The following SNTG1 variants were observed in gnomAD, a reference collection of about 807,000 sequenced individuals.
The protein encoded by SNTG1 is gamma-1-syntrophin.
Under a neutral mutation model 74.7 loss-of-function variants are expected in SNTG1, and 39 were observed. That is an observed-to-expected ratio of 0.52 (90% CI 0.40 to 0.68). SNTG1 has a LOEUF of 0.68. SNTG1 is among the 30% of genes least tolerant of loss of function. The probability of loss-of-function intolerance (pLI) is 0.00; values close to 1 mark genes in which losing one functional copy is unlikely to be tolerated. For synonymous variants in SNTG1, 254 were observed against 217.1 expected, an observed-to-expected ratio of 1.17 and a Z score of -1.49; for missense variants, 685 against 609.5, an observed-to-expected ratio of 1.12 and a Z score of -1.30.
At chr8:50,620,292 C>T (rs947831606) in intron 13 of SNTG1, among the ~76,000 whole-genome samples, 9 of 152,134 alleles carry the variant, frequency 5.9e-5, no homozygotes, top group Non-Finnish European at 1.0e-4. Flanking sequence ...TTAATCTCTG[C>T]TCATTTTTCT....
At chr8:50,653,924 CAT>C (rs1211333201) in intron 13 of SNTG1, among the ~76,000 whole-genome samples, 1 of 152,134 alleles carries the variant, frequency 6.6e-6, no homozygotes, top group East Asian at 1.9e-4. Flanking sequence ...AATGTGGAAA[CAT>C]ATATTATAAA....
intron 16 of SNTG1, among the ~76,000 whole-genome samples, chr8:50,707,644 A>G (rs1021638134): frequency 9.2e-5 from 14 of 152,174 alleles, no homozygotes; most frequent in African/African-American, 2.9e-4. Flanking sequence ...AACAAATACA[A>G]TGCAAGGATA....
rs1393114437 is a variant in SNTG1, at chr8:50,381,554, G to A, written c.-27-12658G>A. ...GTTCTCTAGAGGGACAGAACTAATA[G>A]GATATGTGTGTGTGTGTGTGTGTGT... On this transcript the variant is annotated intron_variant, in intron 2 of 18. Transcript: ENST00000642720. 1.7e-4 allele frequency among the ~76,000 whole-genome samples: 21 copies of A among 124,358 alleles called. No individual in the cohort carries two copies. In the Admixed American group the frequency reaches 1.8e-3, roughly 10 times the overall value. The allele number at this position is 124,358 out of a possible 152,430, so 81.6% of individuals were successfully genotyped here.
intron 1 of SNTG1, among the ~76,000 whole-genome samples, chr8:49,996,086 T>G (rs1814184553): frequency 6.6e-6 from 1 of 152,178 alleles, no homozygotes; most frequent in Non-Finnish European, 1.5e-5. Flanking sequence ...ATATTTACTT[T>G]TATTATTAAA....
chr8:50,440,906 GA>G (rs975024053), intron 5 of SNTG1, among the ~76,000 whole-genome samples: 6 of 152,134 alleles, frequency 3.9e-5, no homozygotes, highest in East Asian at 1.9e-4. Context: ...CTTTAAAAAA[GA>G]AAAAAACTTG....
At chr8:49,969,387 C>CTTTTTTTTT (rs575026898) in intron 1 of SNTG1, among the ~76,000 whole-genome samples, 1 of 47,152 alleles carries the variant, frequency 2.1e-5, no homozygotes, top group African/African-American at 5.5e-5. Flanking sequence ...TTCATTTAAT[C>CTTTTTTTTT]TTTTTTTTTT....
rs765351175 is a variant in SNTG1, at chr8:50,530,203, A to G, written c.493A>G (p.Thr165Ala). ...ACAPSDQSSG[T>A]SSPLCDSGLH... ...TGCTCCAAGTGACCAGAGCAGTGGC[A>G]CCTCCTCTCCTCTCTGTGACAGTGG... Residue 165 changes from threonine (T) to alanine (A), a missense_variant, in exon 10 of 19, where the codon ACC becomes GCC. By Grantham distance (58) the Thr-to-Ala change is moderately conservative. Transcript: ENST00000642720. The G allele has an allele frequency of 1.4e-5, 23 of 1,613,600 alleles. No homozygotes were observed. In the Middle Eastern group the frequency reaches 6.6e-4, roughly 46 times the overall value.
At chr8:50,471,247 T>TG (rs1044853794) in intron 8 of SNTG1, among the ~76,000 whole-genome samples, 1 of 151,526 alleles carries the variant, frequency 6.6e-6, no homozygotes, top group African/African-American at 2.4e-5. Context: ...TCATATAATT[T>TG]TTTTTTTTTT....
At chr8:50,042,830 C>G in intron 1 of SNTG1, among the ~76,000 whole-genome samples, 1 of 151,594 alleles carries the variant, frequency 6.6e-6, no homozygotes, top group Non-Finnish European at 1.5e-5. Flanking sequence ...TTATTGGATT[C>G]TAGTGATCCT....
intron 2 of SNTG1, among the ~76,000 whole-genome samples, chr8:50,309,866 G>C (rs2130741092): frequency 6.6e-6 from 1 of 152,270 alleles, no homozygotes; most frequent in African/African-American, 2.4e-5. Flanking sequence ...TTAATTCGCT[G>C]TCCGCAAACT....
chr8:50,501,558 C>T (rs1462295676), intron 8 of SNTG1, among the ~76,000 whole-genome samples: 1 of 149,750 alleles, frequency 6.7e-6, no homozygotes, highest in East Asian at 2.0e-4. Context: ...GCCTTAGCCT[C>T]CCGAGTAGCT....
chr8:50,404,546 C>T (rs1159218485), intron 4 of SNTG1, among the ~76,000 whole-genome samples: 1 of 151,882 alleles, frequency 6.6e-6, no homozygotes, highest in Non-Finnish European at 1.5e-5. Flanking sequence ...CAATGTAATG[C>T]TGTAATAAAT....
intron 2 of SNTG1, among the ~76,000 whole-genome samples, chr8:50,245,701 A>C (rs2129769619): frequency 6.6e-6 from 1 of 152,188 alleles, no homozygotes; most frequent in Middle Eastern, 3.4e-3. Context: ...AAACAGACAA[A>C]AGAAAACAAA....
chr8:50,067,365 T>G (rs1820982452), intron 1 of SNTG1, among the ~76,000 whole-genome samples: 1 of 152,226 alleles, frequency 6.6e-6, no homozygotes, highest in East Asian at 1.9e-4. Context: ...CTAATTTAAC[T>G]TTAGATTTAC....
chr8:50,351,811 A>C (rs566359229), intron 2 of SNTG1, among the ~76,000 whole-genome samples: 175 of 152,320 alleles, frequency 1.1e-3, no homozygotes, highest in African/African-American at 3.9e-3. Context: ...GATTCTTAAA[A>C]AGTTGTGGCT....
intron 1 of SNTG1, among the ~76,000 whole-genome samples, chr8:50,101,710 C>T (rs1354215672): frequency 1.3e-5 from 2 of 151,466 alleles, no homozygotes; most frequent in African/African-American, 2.4e-5. Context: ...CCTCCCCCCT[C>T]CTCCCACCCC....
At chr8:50,224,768 A>C (rs1417133834) in intron 2 of SNTG1, among the ~76,000 whole-genome samples, 8 of 152,118 alleles carry the variant, frequency 5.3e-5, no homozygotes, top group African/African-American at 1.9e-4. Flanking sequence ...AGAGACCTTA[A>C]GACTAACAAA....
chr8:50,671,577 C>A (rs1159357095), intron 15 of SNTG1, among the ~76,000 whole-genome samples: 2 of 152,030 alleles, frequency 1.3e-5, no homozygotes, highest in Non-Finnish European at 2.9e-5. Context: ...GAAATAGGAA[C>A]ACTTTTACAC....
At chr8:50,394,844 AAC>A (rs1563328504) in intron 3 of SNTG1, among the ~76,000 whole-genome samples, 10 of 76,574 alleles carry the variant, frequency 1.3e-4, no homozygotes, top group Non-Finnish European at 1.5e-4. Context: ...AAGAAAAACT[AAC>A]TTTTTTTTTT....
Sources: gnomAD v4.1 joint callset for allele counts (sites outside exome capture counted in the v4.1 genomes callset) on GRCh38, gnomAD v4.1.1 for gene constraint, MANE v1.5 for transcripts, NCBI Gene and HGNC (gene_info 2026-07-23, HGNC 2026-07-21) for gene names.